Variants in KLHL29 observed in about 807,000 individuals in gnomAD.
KLHL29 encodes the protein kelch like family member 29.
A neutral mutation model predicts 80.4 loss-of-function variants in KLHL29; 21 were observed. The ratio of observed to expected loss-of-function variants is 0.26; its 90% CI spans 0.19 to 0.38. KLHL29 has a LOEUF of 0.38. Among genes scored for constraint, KLHL29 ranks in the 10% least tolerant of loss-of-function variants. KLHL29 has a pLI of 1.00. For missense variants in KLHL29, 867 were observed against 1,223.9 expected, an observed-to-expected ratio of 0.71 and a Z score of 4.35; for synonymous variants, 511 against 526.8, an observed-to-expected ratio of 0.97 and a Z score of 0.41.
intron 3 of KLHL29, among the ~76,000 whole-genome samples, chr2:23,631,003 C>A (rs1358405960): frequency 1.3e-5 from 2 of 152,164 alleles, no homozygotes; most frequent in Non-Finnish European, 2.9e-5. Flanking sequence ...AGAAAGGGCA[C>A]AGGAAGTGAT....
At chr2:23,515,886 G>C (rs571563844) in intron 2 of KLHL29, among the ~76,000 whole-genome samples, 7 of 152,362 alleles carry the variant, frequency 4.6e-5, no homozygotes, top group African/African-American at 1.4e-4. Flanking sequence ...GAGTGAGTTA[G>C]TGGGCACAGA....
intron 2 of KLHL29, among the ~76,000 whole-genome samples, chr2:23,550,587 C>A (rs994321127): frequency 1.3e-5 from 2 of 152,206 alleles, no homozygotes; most frequent in Admixed American, 1.3e-4. Context: ...GAGTCTCTCC[C>A]GAGGAAGATA....
At chr2:23,702,496 T>C (rs1672463390) in intron 11 of KLHL29, among the ~76,000 whole-genome samples, 1 of 152,172 alleles carries the variant, frequency 6.6e-6, no homozygotes, top group African/African-American at 2.4e-5. Context: ...TCTCCCAAAA[T>C]GCCACCTTTG....
At chr2:23,507,194 G>A (rs1665623976) in intron 2 of KLHL29, 1 of 361,196 alleles carries the variant, frequency 2.8e-6, no homozygotes, top group African/African-American at 2.1e-5. Flanking sequence ...TCCTGGTGCA[G>A]GGACCCACAC....
intron 5 of KLHL29, among the ~76,000 whole-genome samples, chr2:23,655,679 G>A (rs1380518912): frequency 6.6e-6 from 1 of 152,224 alleles, no homozygotes; most frequent in African/African-American, 2.4e-5. Flanking sequence ...CTCAGGATCA[G>A]TTAGCAGAGA....
intron 3 of KLHL29, among the ~76,000 whole-genome samples, chr2:23,591,523 G>T (rs775665000): frequency 1.8e-4 from 23 of 124,382 alleles, no homozygotes; most frequent in Non-Finnish European, 3.2e-4. Context: ...GTTCCCATCC[G>T]CATGTCCCTG....
intron 6 of KLHL29, among the ~76,000 whole-genome samples, chr2:23,686,469 GT>G (rs1473715636): frequency 6.6e-6 from 1 of 152,130 alleles, no homozygotes; most frequent in East Asian, 1.9e-4. Flanking sequence ...CAGGAAATTG[GT>G]TCAAGTGATG....
intron 3 of KLHL29, among the ~76,000 whole-genome samples, chr2:23,579,495 C>T (rs150209880): frequency 1.3e-5 from 2 of 152,262 alleles, no homozygotes; most frequent in Admixed American, 1.3e-4. Flanking sequence ...CAGGTGCAGC[C>T]ACATGACTCT....
intron 5 of KLHL29, among the ~76,000 whole-genome samples, chr2:23,661,451 G>A (rs1466115675): frequency 6.6e-6 from 1 of 151,878 alleles, no homozygotes; most frequent in Non-Finnish European, 1.5e-5. Context: ...CAGACAGACC[G>A]CATCTGCACA....
chr2:23,606,667 G>T (rs1457109927), intron 3 of KLHL29, among the ~76,000 whole-genome samples: 1 of 152,170 alleles, frequency 6.6e-6, no homozygotes, highest in Admixed American at 6.5e-5. Context: ...TGCTTCTAAA[G>T]TTAAACTGAA....
In KLHL29 at chr2:23,681,957, C is replaced by T. The variant is rs976510190; in HGVS notation, c.941-2442C>T. 6.6e-6 allele frequency among the ~76,000 whole-genome samples: 1 copy of T among 152,114 alleles called. No individual in the cohort carries two copies. The highest frequency in any genetic ancestry group is 6.5e-5 in the Admixed American group (1 of 15,276). On this transcript the variant is annotated intron_variant, in intron 5 of 13. Transcript: ENST00000486442. This position sits in a 1 kb window ranked among gnomAD's most constrained non-coding sequence, Gnocchi z 4.2. ...CTGTGCGCAGGCGCCGCTGGGCTCT[C>T]TACCTTGTCTCTAGCCCAGGCCTCT... is the stretch of plus-strand genomic sequence containing the variant.
chr2:23,610,525 C>T (rs1384945467), intron 3 of KLHL29, among the ~76,000 whole-genome samples: 1 of 152,220 alleles, frequency 6.6e-6, no homozygotes, highest in Non-Finnish European at 1.5e-5. Flanking sequence ...TTCCGCACTT[C>T]CCCATAGGCC....
chr2:23,418,241 G>A (rs535516260), intron 1 of KLHL29, among the ~76,000 whole-genome samples: 96 of 152,214 alleles, frequency 6.3e-4, no homozygotes, highest in East Asian at 3.9e-4. Context: ...CCTGGACCCC[G>A]CCATGGAGCC....
Position 23,681,024 on chromosome 2 carries a change from C to G in KLHL29, c.941-3375C>G, listed in dbSNP as rs1023752830. Among the ~76,000 whole-genome samples the G allele has an allele frequency of 2.6e-5, 4 of 152,222 alleles. No individual in the cohort carries two copies. Among genetic ancestry groups the G allele is most frequent in the Non-Finnish European group, 4.4e-5 (3 of 68,040 alleles). On this transcript the variant is annotated intron_variant, in intron 5 of 13. Transcript: ENST00000486442. The surrounding 1 kb of genome is among the most constrained non-coding windows in gnomAD (Gnocchi z 4.2). ...AGCTTCTCAGAGATCAGGGAGTGTC[C>G]TTTGCCAAAACATGGGGCAGGGAGG...
rs904969456 is a variant in KLHL29 at position 23,562,287 on chromosome 2, A to G, written c.91A>G (p.Ser31Gly). ...WSVNGTHGTTSICSVTSGAGG... is the reference protein window; with the variant it reads ...WSVNGTHGTTGICSVTSGAGG... ...CGTCAACGGGACGCATGGGACCACC[A>G]GCATCTGCAGTGTCACCTCGGGGGC... Residue 31 changes from serine (S) to glycine (G), a missense_variant, in exon 3 of 14, where the codon AGC becomes GGC. By Grantham distance (56) the Ser-to-Gly change is moderately conservative. This residue lies in a region of KLHL29 where 424 missense variants were observed against 456.9 expected (regional missense o/e 0.93). Transcript: ENST00000486442. This position sits in a 1 kb window ranked among gnomAD's most constrained non-coding sequence, Gnocchi z 4.5. 8 of 1,547,562 alleles carry G rather than the reference A, an allele frequency of 5.2e-6. No individual in the cohort carries two copies. The highest frequency in any genetic ancestry group is 6.1e-6 in the Non-Finnish European group (7 of 1,144,992).
Position 23,706,580 on chromosome 2 carries a change from C to T in KLHL29, c.2544C>T (p.Asn848=). Residue 848 remains asparagine, a synonymous_variant, in exon 14 of 14, where the codon AAC becomes AAT. Coordinates refer to ENST00000486442, the MANE Select transcript of KLHL29 (RefSeq NM_052920.2). ...TGGAGGCCTACGAGCCCACAACCAA[C>T]ACATGGACCCTCCTCCCCCACATGC... ...GNMEAYEPTT[N]TWTLLPHMPC... The T allele has an allele frequency of 6.5e-7, 1 of 1,537,174 alleles. No homozygotes were observed. Among genetic ancestry groups the T allele is most frequent in the East Asian group, 2.4e-5 (1 of 40,918 alleles).
chr2:23,565,289 C>T lies in KLHL29; in HGVS notation c.285+2808C>T, dbSNP rs553460315. ...ATGTTGGCCAGGCTGGTCTTGAACT[C>T]CTGACCTCAAGTGATCCACCCACCT... On this transcript the variant is annotated intron_variant, in intron 3 of 13. Transcript: ENST00000486442. Among the ~76,000 whole-genome samples, 3 of 152,188 alleles carry T rather than the reference C, an allele frequency of 2.0e-5. No individual in the cohort carries two copies. In the East Asian group the frequency reaches 5.8e-4, roughly 29 times the overall value.
chr2:23,529,978 T>A (rs1366890076), intron 2 of KLHL29, among the ~76,000 whole-genome samples: 2 of 152,092 alleles, frequency 1.3e-5, no homozygotes, highest in Admixed American at 1.3e-4. Flanking sequence ...AACACAGCCA[T>A]CAGGACCGGC....
intron 1 of KLHL29, among the ~76,000 whole-genome samples, chr2:23,474,753 C>T (rs1342516000): frequency 6.6e-6 from 1 of 152,056 alleles, no homozygotes; most frequent in East Asian, 1.9e-4. Context: ...CTTCATATCA[C>T]ATTAAAGCTT....
Sources: allele counts gnomAD v4.1 joint callset (sites outside exome capture counted in the v4.1 genomes callset), GRCh38; gene constraint gnomAD v4.1.1; regional missense constraint gnomAD v4.1.1; non-coding constraint Gnocchi (gnomAD v3.1); transcripts MANE v1.5; gene names NCBI Gene and HGNC (gene_info 2026-07-23, HGNC 2026-07-21).